PPM1L: variants seen among roughly 807,000 people sequenced by gnomAD.
PPM1L encodes protein phosphatase 1L.
A neutral mutation model predicts 31.4 loss-of-function variants in PPM1L; 13 were observed. The ratio of observed to expected loss-of-function variants is 0.41; its 90% CI spans 0.27 to 0.66. PPM1L has a LOEUF of 0.66. PPM1L is among the 30% of genes least tolerant of loss of function. PPM1L has a pLI of 0.29. For synonymous variants in PPM1L, 184 were observed against 175.4 expected (o/e 1.05, Z -0.39); for missense variants, 326 against 453.7 (o/e 0.72, Z 2.56).
At chr3:160,808,551 C>T (rs1010482618) in intron 1 of PPM1L, among the ~76,000 whole-genome samples, 3 of 152,072 alleles carry the variant, frequency 2.0e-5, no homozygotes, top group African/African-American at 7.2e-5. Flanking sequence ...GCTCTTTGAC[C>T]CCAGCTGGCT....
intron 2 of PPM1L, among the ~76,000 whole-genome samples, chr3:160,985,576 CT>C (rs980628160): frequency 2.6e-5 from 4 of 152,168 alleles, no homozygotes; most frequent in African/African-American, 7.2e-5. Flanking sequence ...CTAATAAGTT[CT>C]TTCTTTTTCC....
At chr3:160,910,132 A>T (rs78824035) in intron 1 of PPM1L, among the ~76,000 whole-genome samples, 2 of 152,106 alleles carry the variant, frequency 1.3e-5, no homozygotes, top group Non-Finnish European at 2.9e-5. Context: ...TGACTTCTCA[A>T]TCTTGAAATA....
chr3:160,824,244 G>T (rs1456834573), intron 1 of PPM1L, among the ~76,000 whole-genome samples: 1 of 152,044 alleles, frequency 6.6e-6, no homozygotes, highest in African/African-American at 2.4e-5. Flanking sequence ...TGAGGAATAG[G>T]CAGTCTGCAA....
At chr3:161,023,914 A>G (rs895143178) in intron 2 of PPM1L, among the ~76,000 whole-genome samples, 11 of 152,134 alleles carry the variant, frequency 7.2e-5, no homozygotes, top group Non-Finnish European at 1.5e-4. Flanking sequence ...AGTCTTACAC[A>G]TGTATCCCAG....
chr3:160,785,271 C>T (rs924108191), intron 1 of PPM1L, among the ~76,000 whole-genome samples: 1 of 151,978 alleles, frequency 6.6e-6, no homozygotes, highest in African/African-American at 2.4e-5. Context: ...GTTTTCTATA[C>T]ATTTTTAAGT....
intron 2 of PPM1L, among the ~76,000 whole-genome samples, chr3:161,006,138 T>G (rs570421300): frequency 6.6e-6 from 1 of 152,152 alleles, no homozygotes; most frequent in African/African-American, 2.4e-5. Flanking sequence ...ATAAAGAAAA[T>G]GTGATATATA....
intron 2 of PPM1L, among the ~76,000 whole-genome samples, chr3:160,986,734 A>G (rs1439724125): frequency 6.6e-6 from 1 of 152,050 alleles, no homozygotes; most frequent in Non-Finnish European, 1.5e-5. Context: ...AAAACTTGGG[A>G]TTTTTATCTT....
intron 1 of PPM1L, among the ~76,000 whole-genome samples, chr3:160,891,128 A>G (rs1164151899): frequency 6.6e-6 from 1 of 152,212 alleles, no homozygotes; most frequent in Non-Finnish European, 1.5e-5. Flanking sequence ...GACAAATGTG[A>G]TCTAATTAAA....
chr3:160,886,544 C>G (rs149023658), intron 1 of PPM1L, among the ~76,000 whole-genome samples: 2 of 152,238 alleles, frequency 1.3e-5, no homozygotes, highest in East Asian at 3.9e-4. Flanking sequence ...AGTGACACCT[C>G]CAGGCACAGG....
intron 2 of PPM1L, among the ~76,000 whole-genome samples, chr3:161,008,363 A>G (rs1717783284): frequency 6.6e-6 from 1 of 152,230 alleles, no homozygotes; most frequent in Non-Finnish European, 1.5e-5. Context: ...GAATTAGATC[A>G]TATCCTTTTT....
chr3:160,823,368 A>ATTT (rs199918303), intron 1 of PPM1L, among the ~76,000 whole-genome samples: 96 of 142,186 alleles, frequency 6.8e-4, no homozygotes, highest in African/African-American at 2.3e-3. Flanking sequence ...TGTATAAATG[A>ATTT]TTTTTTTTTT....
At chr3:160,954,606 C>T (rs886153020) in intron 1 of PPM1L, among the ~76,000 whole-genome samples, 3 of 152,064 alleles carry the variant, frequency 2.0e-5, no homozygotes, top group East Asian at 1.9e-4. Context: ...TCAAATGATC[C>T]GCCCACCTCA....
Position 160,961,862 on chromosome 3 carries a change from A to C in PPM1L, c.526A>C (p.Ile176Leu). ...QTILEQQILSIDREMLEKLTV... is the reference protein window; with the variant it reads ...QTILEQQILSLDREMLEKLTV... ...CATCCTTGAACAGCAGATTTTGTCA[A>C]TTGACCGAGAAATGCTAGAAAAATT... The change falls in exon 2 of 4, where the codon ATT becomes CTT. Residue 176 changes from isoleucine to leucine, a missense_variant. Transcript: ENST00000498165. 1.3e-6 allele frequency: 2 copies of C among 1,595,856 alleles called. No individual in the cohort carries two copies. The highest frequency in any genetic ancestry group is 8.5e-7 in the Non-Finnish European group (1 of 1,172,486).
At chr3:160,949,232 A>G (rs1030932129) in intron 1 of PPM1L, among the ~76,000 whole-genome samples, 2 of 152,196 alleles carry the variant, frequency 1.3e-5, no homozygotes, top group Admixed American at 6.5e-5. Flanking sequence ...AGGCTTCACC[A>G]TGACCCTGTT....
Position 160,917,183 on chromosome 3 carries a change from G to T in PPM1L, c.400-44553G>T, listed in dbSNP as rs1247098146. On this transcript the variant is annotated intron_variant, in intron 1 of 3. Coordinates refer to ENST00000498165, the MANE Select transcript of PPM1L (RefSeq NM_139245.4). ...TTAGAAGCTTACATGATAGTATTTGGTTCAATGACATTGAGTAAGCATTCT... is the reference window on the plus strand; with the variant it reads ...TTAGAAGCTTACATGATAGTATTTGTTTCAATGACATTGAGTAAGCATTCT... Among the ~76,000 whole-genome samples, 3 of 152,130 alleles carry T rather than the reference G, an allele frequency of 2.0e-5. No homozygotes were observed. In the East Asian group the frequency reaches 5.8e-4, roughly 29 times the overall value.
chr3:160,892,235 C>T, intron 1 of PPM1L, among the ~76,000 whole-genome samples: 1 of 152,182 alleles, frequency 6.6e-6, no homozygotes, highest in Non-Finnish European at 1.5e-5. Context: ...GTGCTGGCAT[C>T]TGCTTGGCTT....
At chr3:161,054,584 A>C (rs926756756) in intron 2 of PPM1L, among the ~76,000 whole-genome samples, 1 of 152,140 alleles carries the variant, frequency 6.6e-6, no homozygotes, top group Non-Finnish European at 1.5e-5. Flanking sequence ...TGCACACAAA[A>C]AATTAAACAC....
intron 1 of PPM1L, among the ~76,000 whole-genome samples, chr3:160,878,855 G>T (rs1049237320): frequency 2.6e-5 from 4 of 152,166 alleles, no homozygotes; most frequent in African/African-American, 9.7e-5. Context: ...TAGGATTTCT[G>T]CTGGGTGCTA....
chr3:160,853,211 A>C (rs1353610901), intron 1 of PPM1L, among the ~76,000 whole-genome samples: 1 of 152,134 alleles, frequency 6.6e-6, no homozygotes, highest in Non-Finnish European at 1.5e-5. Flanking sequence ...TCTTTTTGGC[A>C]GTGGGAGGGA....
Sources: allele counts gnomAD v4.1 joint callset (sites outside exome capture counted in the v4.1 genomes callset), GRCh38; gene constraint gnomAD v4.1.1; transcripts MANE v1.5; gene names NCBI Gene and HGNC (gene_info 2026-07-23, HGNC 2026-07-21).